IPO4: variants seen among roughly 807,000 people sequenced by gnomAD.
IPO4 encodes the protein importin 4.
IPO4 carries 91 observed loss-of-function variants against 133.5 expected under a neutral mutation model. The ratio of observed to expected loss-of-function variants is 0.68; its 90% CI spans 0.58 to 0.81. IPO4 has a LOEUF of 0.81. IPO4 is among the 30% of genes least tolerant of loss of function. IPO4 has a pLI of 0.00. For synonymous variants in IPO4, 607 were observed against 581.6 expected (o/e 1.04, Z -0.63); for missense variants, 1,279 against 1,386.2 (o/e 0.92, Z 1.23).
chr14:24,183,044 G>A lies in IPO4; in HGVS notation c.2353C>T (p.Leu785Phe). Residue 785 changes from leucine to phenylalanine, a missense_variant, in exon 23 of 30, where the codon CTC becomes TTC. Coordinates refer to ENST00000354464, the MANE Select transcript of IPO4 (RefSeq NM_024658.4). ...LTGVLRSCGT[L>F]TLKPPGRLAE... is the part of the protein sequence containing the mutation. ...AGGCGCCCAGGGGGCTTCAGTGTGA[G>A]GGTCCCACAGCTGCGGAGCACCCCT... 1 of 1,613,828 alleles carries A rather than the reference G, an allele frequency of 6.2e-7. No homozygotes were observed. The highest frequency in any genetic ancestry group is 8.5e-7 in the Non-Finnish European group (1 of 1,180,018).
intron 2 of IPO4, 38 bp downstream of exon 2, chr14:24,188,514 A>C (rs749751128): frequency 6.2e-7 from 1 of 1,608,470 alleles, no homozygotes; most frequent in Admixed American, 1.7e-5. Context: ...CCGGTGGCGT[A>C]CAGTGGGAAG....
intron 17 of IPO4, 93 bp from the exon 18 acceptor site, chr14:24,184,202 CA>C: frequency 6.4e-7 from 1 of 1,562,528 alleles, no homozygotes; most frequent in East Asian, 2.3e-5. Context: ...TGGTCCAAAC[CA>C]GACGACTGGA....
At position 24,180,410 on chromosome 14, in the gene IPO4, C is replaced by CAA; in HGVS notation, c.*31_*32insTT. 2 of 1,595,234 alleles carry CAA rather than the reference C, an allele frequency of 1.3e-6. No homozygotes were observed. Among genetic ancestry groups the CAA allele is most frequent in the Non-Finnish European group, 1.7e-6 (2 of 1,166,944 alleles). On this transcript the variant is annotated 3_prime_UTR_variant, in exon 30 of 30. Coordinates refer to ENST00000354464, the MANE Select transcript of IPO4 (RefSeq NM_024658.4). ...GGTGGTCTTAAGGCCTGGGCAGGCT[C>CAA]TATTCTCTCTGGACTGGCTGCAGCC... is the stretch of plus-strand genomic sequence containing the variant.
chr14:24,188,322 C>A, intron 3 of IPO4, 22 bp downstream of exon 3: 1 of 1,613,288 alleles, frequency 6.2e-7, no homozygotes, highest in South Asian at 1.1e-5. Context: ...CCTGGCCCCG[C>A]CCCACCCCAG....
At position 24,186,322 on chromosome 14, in the gene IPO4, G is replaced by A. The variant is rs1266004680; in HGVS notation, c.970C>T (p.Leu324=). The A allele has an allele frequency of 1.2e-6, 2 of 1,611,428 alleles. No individual in the cohort carries two copies. Among genetic ancestry groups the A allele is most frequent in the Non-Finnish European group, 1.7e-6 (2 of 1,178,396 alleles). Residue 324 remains leucine, a synonymous_variant, in exon 10 of 30, where the codon CTG becomes TTG. Coordinates refer to ENST00000354464, the MANE Select transcript of IPO4 (RefSeq NM_024658.4). ...AAATGCTTGGGAGTCTCCCCCATCAGCTCAATCTCCAACTCTTCCTCTTCT... is the reference window on the plus strand; with the variant it reads ...AAATGCTTGGGAGTCTCCCCCATCAACTCAATCTCCAACTCTTCCTCTTCT... The part of the protein sequence containing the change: ...DSEEEELEIE[L]MGETPKHFAV...
rs1482254032 is a variant in IPO4 at position 24,183,582 on chromosome 14, A to T, written c.2063+8T>A. 6.2e-7 allele frequency: 1 copy of T among 1,614,142 alleles called. No homozygotes were observed. Among genetic ancestry groups the T allele is most frequent in the Middle Eastern group, 1.6e-4 (1 of 6,062 alleles). On this transcript the variant is annotated splice_region_variant and intron_variant, in intron 20 of 29. Coordinates refer to ENST00000354464, the MANE Select transcript of IPO4 (RefSeq NM_024658.4). The stretch of plus-strand genomic sequence containing the variant: ...GGTTTTCAGTGCCAGGGAAGGGCGA[A>T]TGCTCACCTGGTGTTCACAGAGATC...
chr14:24,182,567 G>T (rs1445101540), intron 24 of IPO4, 164 bp from the exon 25 acceptor site: 2 of 1,036,444 alleles, frequency 1.9e-6, no homozygotes, highest in Non-Finnish European at 2.9e-6. Flanking sequence ...TCTTCCCCTG[G>T]CTCTTCTGCT....
At position 24,187,384 on chromosome 14, in the gene IPO4, A is replaced by G; in HGVS notation, c.588+16T>C. On this transcript the variant is annotated intron_variant, in intron 6 of 29. Transcript: ENST00000354464. ...TGAGGAAAGGGAGTCAAAGATAACGAGGGCCCACATCTCACCACATCTTCA... is the reference window on the plus strand; with the variant it reads ...TGAGGAAAGGGAGTCAAAGATAACGGGGGCCCACATCTCACCACATCTTCA... 6.2e-7 allele frequency: 1 copy of G among 1,611,978 alleles called. No individual in the cohort carries two copies. Among genetic ancestry groups the G allele is most frequent in the Non-Finnish European group, 8.5e-7 (1 of 1,178,278 alleles).
rs751151708 is a variant in IPO4 at position 24,186,415 on chromosome 14, G to A, written c.877C>T (p.His293Tyr). ...LKNRLLPPLL[H>Y]TLFPIVAAEP... ...GCAGCCACAATGGGGAAAAGGGTGTGCAGCAAGGGTGGCAGGAGACGATTC... is the reference window on the plus strand; with the variant it reads ...GCAGCCACAATGGGGAAAAGGGTGTACAGCAAGGGTGGCAGGAGACGATTC... Residue 293 changes from histidine to tyrosine, a missense_variant, in exon 10 of 30, where the codon CAC (histidine) becomes TAC (tyrosine). This residue lies in a region of IPO4 where 695 missense variants were observed against 704.1 expected (regional missense o/e 0.99). Coordinates refer to ENST00000354464, the MANE Select transcript of IPO4 (RefSeq NM_024658.4). The A allele has an allele frequency of 4.4e-6, 7 of 1,606,398 alleles. No individual in the cohort carries two copies. The highest frequency in any genetic ancestry group is 6.0e-6 in the Non-Finnish European group (7 of 1,175,358).
chr14:24,188,564 C>A lies in IPO4; in HGVS notation c.144G>T (p.Ala48=), dbSNP rs766214996. 6.2e-7 allele frequency: 1 copy of A among 1,612,616 alleles called. No individual in the cohort carries two copies. The highest frequency in any genetic ancestry group is 8.5e-7 in the Non-Finnish European group (1 of 1,179,528). The change falls in exon 2 of 30, where the codon GCG becomes GCT. Residue 48 remains alanine (A), a synonymous_variant. Coordinates refer to ENST00000354464, the MANE Select transcript of IPO4 (RefSeq NM_024658.4). The part of the protein sequence containing the change: ...LPALCDLLAS[A]ADPQIRQFAA... ...TCAGGGGTCTCACCTGGGGGTCGGC[C>A]GCCGAGGCTAGCAGGTCGCAGAGAG...
chr14:24,187,677 G>A lies in IPO4; in HGVS notation c.398C>T (p.Pro133Leu). ...ACCATGTGATGGTACCTCTCTCTCT[G>A]GGCTGTGGGGGCTGTGGGTACTGTG... ...LQHSTHSPHS[P>L]EREMGLLLLS... is the part of the protein sequence containing the mutation. The change falls in exon 5 of 30, where the codon CCA becomes CTA. Residue 133 changes from proline to leucine, a missense_variant. By Grantham distance (98) the Pro-to-Leu change is moderately conservative (BLOSUM62 -3). This residue lies in a region of IPO4 where 695 missense variants were observed against 704.1 expected (regional missense o/e 0.99). Coordinates refer to ENST00000354464, the MANE Select transcript of IPO4 (RefSeq NM_024658.4). 3 of 1,614,192 alleles carry A rather than the reference G, an allele frequency of 1.9e-6. No homozygotes were observed. Among genetic ancestry groups the A allele is most frequent in the Non-Finnish European group, 2.5e-6 (3 of 1,180,016 alleles).
intron 12 of IPO4, 119 bp downstream of exon 12, chr14:24,185,742 A>G (rs1347316754): frequency 8.3e-6 from 8 of 963,654 alleles, no homozygotes; most frequent in Non-Finnish European, 1.3e-5. Flanking sequence ...CCAAGCCAGG[A>G]CACTTTTGAT....
rs762102390 is a variant in IPO4 at position 24,181,785 on chromosome 14, G to A, written c.2866C>T (p.Arg956Cys). Residue 956 changes from arginine (R) to cysteine (C), a missense_variant, in exon 27 of 30, where the codon CGT becomes TGT. Around this residue, in one of 3 missense-constraint regions of IPO4, gnomAD observed 575 missense variants for 653.4 expected, o/e 0.88. Coordinates refer to ENST00000354464, the MANE Select transcript of IPO4 (RefSeq NM_024658.4). ...GCCCCACAGATGTTGTCACGGACAC[G>A]ATCATGTCGCTCCCGCGCCAGGAGG... ...FPLLARERHD[R>C]VRDNICGALA... is the part of the protein sequence containing the mutation. The A allele has an allele frequency of 1.2e-5, 19 of 1,601,534 alleles. No individual in the cohort carries two copies. Among genetic ancestry groups the A allele is most frequent in the Middle Eastern group, 1.7e-4 (1 of 5,996 alleles).
rs1287265778 is a variant in IPO4, at chr14:24,184,767, C to T, written c.1523-4G>A. 3.1e-6 allele frequency: 5 copies of T among 1,611,276 alleles called. No homozygotes were observed. Among genetic ancestry groups the T allele is most frequent in the Non-Finnish European group, 4.2e-6 (5 of 1,178,298 alleles). ...AGCGAGGCCTGGGCAGCCGTAGCTG[C>T]AGGATGGAAGGACAGAATCAGAGCT... On this transcript the variant is annotated splice_region_variant and splice_polypyrimidine_tract_variant and intron_variant, in intron 15 of 29. Transcript: ENST00000354464.
In IPO4 at chr14:24,183,658, C is replaced by T. The variant is rs764515496; in HGVS notation, c.1995G>A (p.Val665=). ...CCTTCTCATCGAAGAAGGCATTCTC[C>T]ACGCTGTACCTAGAGTAAGAAGGGG... ...EDDSEISGYS[V]ENAFFDEKED... Residue 665 remains valine (V), a synonymous_variant, in exon 20 of 30, where the codon GTG becomes GTA. Coordinates refer to ENST00000354464, the MANE Select transcript of IPO4 (RefSeq NM_024658.4). 2.5e-6 allele frequency: 4 copies of T among 1,614,142 alleles called. No individual in the cohort carries two copies. In the South Asian group the frequency reaches 3.3e-5, roughly 13 times the overall value.
chr14:24,188,381 T>C lies in IPO4; in HGVS notation c.199A>G (p.Thr67Ala). ...AAVLTRRRLN[T>A]RWRRLAAEQR... Reference sequence around the variant, plus strand: ...TCCGCCGCCAGCCGTCGCCAGCGGGTGTTCAGTCGTCTGCGGGTCAGCACG... The same window carrying C: ...TCCGCCGCCAGCCGTCGCCAGCGGGCGTTCAGTCGTCTGCGGGTCAGCACG... Residue 67 changes from threonine to alanine, a missense_variant, in exon 3 of 30, where the codon ACC becomes GCC. Transcript: ENST00000354464. 6.2e-7 allele frequency: 1 copy of C among 1,612,806 alleles called. No individual in the cohort carries two copies. Among genetic ancestry groups the C allele is most frequent in the South Asian group, 1.1e-5 (1 of 91,058 alleles).
Position 24,182,265 on chromosome 14 carries a change from G to T in IPO4, c.2598+13C>A, listed in dbSNP as rs1362753459. ...AGGGGACTAGGGCTTGAAGCCAGAA[G>T]ATGGACACTCACTGTCTTGCACACC... On this transcript the variant is annotated intron_variant, in intron 25 of 29. Coordinates refer to ENST00000354464, the MANE Select transcript of IPO4 (RefSeq NM_024658.4). 29 of 1,614,056 alleles carry T rather than the reference G, an allele frequency of 1.8e-5. No homozygotes were observed. The highest frequency in any genetic ancestry group is 5.3e-5 in the African/African-American group (4 of 74,922).
At chr14:24,187,934 G>T in intron 4 of IPO4, 138 bp from the exon 5 acceptor site, 1 of 1,076,560 alleles carries the variant, frequency 9.3e-7, no homozygotes, top group Non-Finnish European at 1.3e-6. Context: ...GGACACATGA[G>T]ACAGCAGCTC....
At chr14:24,185,795 C>T (rs1265041082) in intron 12 of IPO4, 66 bp downstream of exon 12, 4 of 1,250,728 alleles carry the variant, frequency 3.2e-6, no homozygotes, top group East Asian at 2.3e-5. Context: ...GAACAACAAG[C>T]GTAAACCAGG....
Sources: allele counts gnomAD v4.1 joint callset, GRCh38; gene constraint gnomAD v4.1.1; regional missense constraint gnomAD v4.1.1; transcripts MANE v1.5; gene names NCBI Gene and HGNC (gene_info 2026-07-23, HGNC 2026-07-21).